CNNM2: variants seen among roughly 807,000 people sequenced by gnomAD.
CNNM2 encodes the protein metal transporter CNNM2.
Under a neutral mutation model 66.9 loss-of-function variants are expected in CNNM2, and 12 were observed. The observed-to-expected ratio is 0.18, with a 90% CI of 0.11 to 0.29. CNNM2 has a LOEUF of 0.29. Among genes scored for constraint, CNNM2 ranks in the 10% least tolerant of loss-of-function variants. The pLI, the probability that CNNM2 is intolerant of heterozygous loss-of-function variation, is 1.00. For missense variants in CNNM2, 705 were observed against 1,167.7 expected (o/e 0.60, Z 5.77); for synonymous variants, 557 against 501.8 (o/e 1.11, Z -1.47).
chr10:103,087,489 T>G lies in CNNM2; in HGVS notation c.*10309T>G, dbSNP rs561717629. The G allele has an allele frequency of 1.4e-4, 21 of 152,290 alleles. No individual in the cohort carries two copies. The highest frequency in any genetic ancestry group is 2.9e-4 in the Non-Finnish European group (20 of 68,020). 9.4% of individuals were successfully genotyped at this position (152,290 alleles called of 1,614,324 possible). A position where few individuals can be genotyped will look rare whatever the true frequency, so the allele number is the denominator to read the frequency against. ...GAGAATCATTTGCCATGGAATCATC[T>G]GGCTAGTAAGACACTCTTATATGGA... On this transcript the variant is annotated 3_prime_UTR_variant, in exon 8 of 8. Transcript: ENST00000369878.
Position 102,984,264 on chromosome 10 carries a change from G to C in CNNM2, c.1621+64163G>C, listed in dbSNP as rs184559862. 3.9e-5 allele frequency among the ~76,000 whole-genome samples: 6 copies of C among 152,348 alleles called. No homozygotes were observed. In the East Asian group the frequency reaches 1.2e-3, roughly 29 times the overall value. ...TTCTTTATTGTCCCCTGATGGATGT[G>C]TGGAATTGTTTTACTAGGGAGGAGG... On this transcript the variant is annotated intron_variant, in intron 1 of 7. Coordinates refer to ENST00000369878, the MANE Select transcript of CNNM2 (RefSeq NM_017649.5).
chr10:103,016,281 A>T (rs570364332), intron 1 of CNNM2, among the ~76,000 whole-genome samples: 1 of 152,276 alleles, frequency 6.6e-6, no homozygotes, highest in Non-Finnish European at 1.5e-5. Flanking sequence ...TTCTCTAGTG[A>T]CAAAGCTCTA....
At chr10:102,948,525 G>A (rs1292683072) in intron 1 of CNNM2, among the ~76,000 whole-genome samples, 2 of 152,156 alleles carry the variant, frequency 1.3e-5, no homozygotes, top group Non-Finnish European at 2.9e-5. Context: ...GGTAGGTTGG[G>A]TGGTACAAGA....
At chr10:102,937,798 T>C (rs1230906875) in intron 1 of CNNM2, among the ~76,000 whole-genome samples, 1 of 151,080 alleles carries the variant, frequency 6.6e-6, no homozygotes, top group Non-Finnish European at 1.5e-5. Context: ...TTTTTTTTTC[T>C]TTTTTTGGTA....
chr10:102,939,994 CAACAACAAA>C (rs1274959837), intron 1 of CNNM2, among the ~76,000 whole-genome samples: 4 of 139,316 alleles, frequency 2.9e-5, no homozygotes, highest in South Asian at 4.5e-4. Context: ...ACAACAACAA[CAACAACAAA>C]AAAAAAACCG....
chr10:102,973,920 C>A (rs1208628606), intron 1 of CNNM2, among the ~76,000 whole-genome samples: 2 of 151,964 alleles, frequency 1.3e-5, no homozygotes, highest in Non-Finnish European at 2.9e-5. Context: ...TGTTTGAAAC[C>A]CACCTATCCT....
rs116374123 is a variant in CNNM2 at position 103,037,812 on chromosome 10, G to C, written c.1622-11895G>C. Among the ~76,000 whole-genome samples, 1,779 of 152,202 alleles carry C rather than the reference G, an allele frequency of 0.012. 32 individuals carry two copies. The highest frequency in any genetic ancestry group is 0.04 in the African/African-American group (1,657 of 41,532). ...GTAAATATCTGCCTGCCTATAGTGT[G>C]TCAGGCAGGTATCTACAGCTTTTTT... On this transcript the variant is annotated intron_variant, in intron 1 of 7. Coordinates refer to ENST00000369878, the MANE Select transcript of CNNM2 (RefSeq NM_017649.5).
chr10:102,923,116 C>G (rs963683617), intron 1 of CNNM2, among the ~76,000 whole-genome samples: 1 of 151,798 alleles, frequency 6.6e-6, no homozygotes, highest in Admixed American at 6.6e-5. Context: ...ATGTGAATGT[C>G]TTCTTTCTTC....
chr10:103,064,932 C>T (rs1391626767), intron 4 of CNNM2, among the ~76,000 whole-genome samples: 3 of 152,162 alleles, frequency 2.0e-5, no homozygotes, highest in African/African-American at 7.2e-5. Context: ...GTATCTGTCT[C>T]TGTAGAGGTG....
intron 1 of CNNM2, among the ~76,000 whole-genome samples, chr10:103,025,802 A>G (rs931686280): frequency 1.3e-5 from 2 of 152,232 alleles, no homozygotes; most frequent in Non-Finnish European, 2.9e-5. Flanking sequence ...CTAATTCAAC[A>G]GCAGGGATTT....
chr10:103,040,303 C>G (rs1262057725), intron 1 of CNNM2, among the ~76,000 whole-genome samples: 1 of 151,606 alleles, frequency 6.6e-6, no homozygotes, highest in Non-Finnish European at 1.5e-5. Flanking sequence ...GAATTAAGAG[C>G]AAGGTAAAAA....
chr10:102,979,286 T>G (rs2063684271), intron 1 of CNNM2, among the ~76,000 whole-genome samples: 1 of 152,200 alleles, frequency 6.6e-6, no homozygotes, highest in African/African-American at 2.4e-5. Flanking sequence ...AGCTTGTCAG[T>G]GGTTTATCAA....
intron 2 of CNNM2, 93 bp downstream of exon 2, chr10:103,049,943 C>A: frequency 7.9e-7 from 1 of 1,267,538 alleles, no homozygotes; most frequent in Non-Finnish European, 1.1e-6. Context: ...GTTGCTGCCT[C>A]TGTTTATAAT....
At chr10:102,980,225 G>T (rs1285318871) in intron 1 of CNNM2, among the ~76,000 whole-genome samples, 1 of 152,078 alleles carries the variant, frequency 6.6e-6, no homozygotes, top group African/African-American at 2.4e-5. Context: ...TTACAGGTGT[G>T]AGCCACTGCG....
At chr10:103,002,854 A>G (rs1229810273) in intron 1 of CNNM2, among the ~76,000 whole-genome samples, 1 of 152,202 alleles carries the variant, frequency 6.6e-6, no homozygotes, top group Non-Finnish European at 1.5e-5. Context: ...CAGTTACTCC[A>G]AATGCTAAAC....
chr10:103,010,828 G>T (rs1004480651), intron 1 of CNNM2, among the ~76,000 whole-genome samples: 1 of 152,044 alleles, frequency 6.6e-6, no homozygotes, highest in Admixed American at 6.5e-5. Flanking sequence ...GGCCAGCCTG[G>T]TCTTGAAATC....
At chr10:103,044,791 A>T (rs758423000) in intron 1 of CNNM2, among the ~76,000 whole-genome samples, 8 of 152,234 alleles carry the variant, frequency 5.3e-5, no homozygotes, top group Non-Finnish European at 1.2e-4. Flanking sequence ...GGGCAGATGG[A>T]GAAGTTTCAG....
intron 1 of CNNM2, among the ~76,000 whole-genome samples, chr10:103,022,271 T>C (rs945415522): frequency 9.2e-5 from 14 of 152,244 alleles, no homozygotes; most frequent in Non-Finnish European, 1.3e-4. Flanking sequence ...CATTATTTCA[T>C]ATGCCAAGCA....
chr10:102,979,607 CTTTG>C (rs2063688870), intron 1 of CNNM2, among the ~76,000 whole-genome samples: 1 of 152,120 alleles, frequency 6.6e-6, no homozygotes, highest in African/African-American at 2.4e-5. Flanking sequence ...CCACCAGGGA[CTTTG>C]TTTTTTTGTT....
Sources: gnomAD v4.1 joint callset for allele counts (sites outside exome capture counted in the v4.1 genomes callset) on GRCh38, gnomAD v4.1.1 for gene constraint, MANE v1.5 for transcripts, NCBI Gene and HGNC (gene_info 2026-07-23, HGNC 2026-07-21) for gene names.